The following IL23R variants were observed in gnomAD, a reference collection of about 807,000 sequenced individuals.
The protein encoded by IL23R is interleukin 23 receptor.
A neutral mutation model predicts 56.9 loss-of-function variants in IL23R; 34 were observed. That is an observed-to-expected ratio of 0.60 (90% CI 0.45 to 0.80). The LOEUF is 0.80. IL23R is among the 30% of genes least tolerant of loss of function. IL23R has a pLI of 0.00. For synonymous variants in IL23R, 230 were observed against 249.2 expected (o/e 0.92, Z 0.73); for missense variants, 635 against 730.0 (o/e 0.87, Z 1.50).
chr1:67,172,813 T>C (rs1017706496), intron 3 of IL23R, among the ~76,000 whole-genome samples: 2 of 152,190 alleles, frequency 1.3e-5, no homozygotes, highest in Admixed American at 6.5e-5. Flanking sequence ...TAAGAAATTA[T>C]AGAGTGATCT....
intron 6 of IL23R, among the ~76,000 whole-genome samples, chr1:67,211,772 AACT>A (rs1649492154): frequency 3.3e-5 from 5 of 152,312 alleles, no homozygotes; most frequent in Admixed American, 3.3e-4. Context: ...TTCTGGTTGA[AACT>A]CTTATTCTCT....
intron 7 of IL23R, among the ~76,000 whole-genome samples, chr1:67,229,136 A>G (rs1225367288): frequency 6.6e-6 from 1 of 152,072 alleles, no homozygotes; most frequent in Admixed American, 6.6e-5. Context: ...CAGATCCTAC[A>G]ACTCCCACCT....
At chr1:67,191,157 A>C (rs1372574454) in intron 4 of IL23R, among the ~76,000 whole-genome samples, 1 of 152,090 alleles carries the variant, frequency 6.6e-6, no homozygotes, top group Non-Finnish European at 1.5e-5. Flanking sequence ...ACTACATTTC[A>C]CTAGCCAAGT....
chr1:67,247,762 T>C (rs1253775051), intron 9 of IL23R, among the ~76,000 whole-genome samples: 1 of 152,236 alleles, frequency 6.6e-6, no homozygotes, highest in Admixed American at 6.5e-5. Flanking sequence ...TACTGGTTCC[T>C]TTCCATGTTT....
chr1:67,211,967 A>G (rs1649507594), intron 6 of IL23R, among the ~76,000 whole-genome samples: 1 of 152,232 alleles, frequency 6.6e-6, no homozygotes, highest in South Asian at 2.1e-4. Flanking sequence ...ATAGGGAAAT[A>G]GAGTTTGAAA....
At chr1:67,152,015 G>T (rs2863203) in intron 1 of IL23R, among the ~76,000 whole-genome samples, 132,929 of 152,218 alleles carry the variant, frequency 0.87, 58,110 homozygotes, top group East Asian at 1. Flanking sequence ...AATGGTAGTT[G>T]GATGGGAATA....
chr1:67,168,670 G>C (rs1361162028), intron 2 of IL23R, among the ~76,000 whole-genome samples: 1 of 152,174 alleles, frequency 6.6e-6, no homozygotes, highest in Non-Finnish European at 1.5e-5. Context: ...AAGATTGGTT[G>C]AGTAGCTAGA....
chr1:67,239,041 A>G (rs1225887990), intron 8 of IL23R, among the ~76,000 whole-genome samples: 3 of 152,140 alleles, frequency 2.0e-5, no homozygotes, highest in African/African-American at 7.2e-5. Context: ...AGGAAGGAGG[A>G]TGGAAGGGAA....
downstream of IL23R, among the ~76,000 whole-genome samples, chr1:67,262,115 T>C (rs1013010746): frequency 6.6e-6 from 1 of 152,206 alleles, no homozygotes; most frequent in African/African-American, 2.4e-5. Context: ...AGGGTTTCTT[T>C]CTATAATTCT....
At chr1:67,239,571 G>T (rs1285435154) in intron 8 of IL23R, among the ~76,000 whole-genome samples, 5 of 152,076 alleles carry the variant, frequency 3.3e-5, no homozygotes, top group African/African-American at 1.2e-4. Context: ...AGCCAGCATT[G>T]TTTTTTAACT....
chr1:67,210,913 C>T (rs1649426703), intron 6 of IL23R, among the ~76,000 whole-genome samples: 1 of 152,100 alleles, frequency 6.6e-6, no homozygotes, highest in South Asian at 2.1e-4. Context: ...ATTCCAAATC[C>T]TTTTGCTGTT....
intron 9 of IL23R, among the ~76,000 whole-genome samples, chr1:67,244,372 A>G (rs1652054463): frequency 6.6e-6 from 1 of 152,176 alleles, no homozygotes; most frequent in Non-Finnish European, 1.5e-5. Flanking sequence ...TGTTTTCATC[A>G]TGAACTCTTT....
At chr1:67,214,550 T>A (rs1419034063) in intron 6 of IL23R, among the ~76,000 whole-genome samples, 2 of 152,230 alleles carry the variant, frequency 1.3e-5, no homozygotes, top group Admixed American at 1.3e-4. Context: ...GTTACCAAGA[T>A]GGCCTATGTA....
intron 10 of IL23R, among the ~76,000 whole-genome samples, chr1:67,257,813 C>T (rs1219794255): frequency 6.6e-6 from 1 of 152,212 alleles, no homozygotes. Context: ...AAGCAATTCT[C>T]CTGTCTCAGC....
rs377471044 is a variant in IL23R, at chr1:67,182,075, G to A, written c.368-761G>A. The stretch of plus-strand genomic sequence containing the variant: ...GTGCCTCCCAGTTAGGCTACTCAGA[G>A]GTCAGGGACCCACTTGAGGAGGCAG... On this transcript the variant is annotated intron_variant, in intron 3 of 10. Coordinates refer to ENST00000347310, the MANE Select transcript of IL23R (RefSeq NM_144701.3). Among the ~76,000 whole-genome samples the A allele has an allele frequency of 9.1e-4, 139 of 152,310 alleles. 3 individuals are homozygous for A. The Middle Eastern group carries it at 0.02, about 22-fold the overall frequency.
intron 9 of IL23R, among the ~76,000 whole-genome samples, chr1:67,252,318 C>T (rs1343462482): frequency 1.3e-5 from 2 of 152,154 alleles, no homozygotes; most frequent in African/African-American, 4.8e-5. Flanking sequence ...CCAAATTTTA[C>T]AACCCCTGCA....
At chr1:67,164,956 C>T (rs1646858038), upstream of IL23R, among the ~76,000 whole-genome samples, 1 of 152,070 alleles carries the variant, frequency 6.6e-6, no homozygotes, top group Non-Finnish European at 1.5e-5. Context: ...TCCTGTAATC[C>T]CAGGACTTTG....
chr1:67,176,710 G>T (rs889421561), intron 3 of IL23R, among the ~76,000 whole-genome samples: 11 of 152,158 alleles, frequency 7.2e-5, no homozygotes, highest in African/African-American at 2.6e-4. Flanking sequence ...ACATATACAT[G>T]TGCCATGTTG....
intron 4 of IL23R, among the ~76,000 whole-genome samples, chr1:67,190,845 G>A (rs1428758539): frequency 2.6e-5 from 4 of 152,102 alleles, no homozygotes; most frequent in Admixed American, 1.3e-4. Flanking sequence ...TAAATTCAGC[G>A]GCCTACTCTG....
Sources: gnomAD v4.1 joint callset for allele counts (sites outside exome capture counted in the v4.1 genomes callset) on GRCh38, gnomAD v4.1.1 for gene constraint, MANE v1.5 for transcripts, NCBI Gene and HGNC (gene_info 2026-07-23, HGNC 2026-07-21) for gene names.